Variants in SIGLEC6 observed in about 807,000 individuals in gnomAD.
SIGLEC6 encodes sialic acid-binding Ig-like lectin 6.
In SIGLEC6, 31 loss-of-function variants were observed where a neutral mutation model predicts 41.4. The observed-to-expected ratio is 0.75, with a 90% CI of 0.56 to 1.01. The LOEUF (loss-of-function observed/expected upper bound fraction) is 1.01. SIGLEC6 is among the 50% of genes least tolerant of loss of function. The pLI is 0.00. For synonymous variants in SIGLEC6, 217 were observed against 231.0 expected, an observed-to-expected ratio of 0.94 and a Z score of 0.55; for missense variants, 555 against 558.6, an observed-to-expected ratio of 0.99 and a Z score of 0.06.
At chr19:51,529,544 C>T (rs1979823286) in intron 5 of SIGLEC6, 180 bp downstream of exon 5, 2 of 700,882 alleles carry the variant, frequency 2.9e-6, no homozygotes, top group Non-Finnish European at 4.7e-6. Flanking sequence ...CCTCCCCAAG[C>T]TGCCAGTGCA....
In SIGLEC6 at chr19:51,530,441, G is replaced by T; in HGVS notation, c.750C>A (p.Ser250Arg). 6.2e-7 allele frequency: 1 copy of T among 1,613,978 alleles called. No homozygotes were observed. The highest frequency in any genetic ancestry group is 8.5e-7 in the Non-Finnish European group (1 of 1,179,858). The change falls in exon 4 of 8, where the codon AGC becomes AGA. Residue 250 changes from serine (S) to arginine (R), a missense_variant. Transcript: ENST00000425629. ...KVAISIFQGN[S>R]AAFKILQNTS... The stretch of plus-strand genomic sequence containing the variant: ...ACAGGACTGGCTGGTTCCTACCTGC[G>T]CTGTTTCCTTGGAAGATGCTGATGG...
chr19:51,527,497 C>T (rs1397692766), intron 7 of SIGLEC6, among the ~76,000 whole-genome samples: 1 of 96,764 alleles, frequency 1.0e-5, no homozygotes, highest in Non-Finnish European at 2.3e-5. Flanking sequence ...ATATGAGGAG[C>T]ATAAATACCC....
rs566386122 is a variant in SIGLEC6, at chr19:51,522,218, T to G, written c.1189-1963A>C. 2.0e-5 allele frequency among the ~76,000 whole-genome samples: 3 copies of G among 152,370 alleles called. No individual in the cohort carries two copies. The East Asian group carries it at 5.8e-4, about 29-fold the overall frequency. Reference sequence around the variant, plus strand: ...AATGAAGGCAAATATAAACTCACCCTGCCAAAGCTTTTGTAAAAATCTTTG... The same window carrying G: ...AATGAAGGCAAATATAAACTCACCCGGCCAAAGCTTTTGTAAAAATCTTTG... On this transcript the variant is annotated intron_variant, in intron 7 of 7. Coordinates refer to ENST00000425629, the MANE Select transcript of SIGLEC6 (RefSeq NM_001245.7).
At position 51,531,273 on chromosome 19, in the gene SIGLEC6, G is replaced by T; in HGVS notation, c.314C>A (p.Ser105Tyr). ...CCTCCGGGCATCTCTGATGCTCAGG[G>T]AGCAGTTCTTCCTTCTGGGATCCCA... ...LLWDPRRKNC[S>Y]LSIRDARRRD... Residue 105 changes from serine (S) to tyrosine (Y), a missense_variant, in exon 2 of 8, where the codon TCC (serine) becomes TAC (tyrosine). Coordinates refer to ENST00000425629, the MANE Select transcript of SIGLEC6 (RefSeq NM_001245.7). The T allele has an allele frequency of 1.2e-6, 2 of 1,614,172 alleles. No individual in the cohort carries two copies. The highest frequency in any genetic ancestry group is 2.2e-5 in the South Asian group (2 of 91,084).
intron 3 of SIGLEC6, 80 bp from the exon 4 acceptor site, chr19:51,530,564 A>G: frequency 3.7e-6 from 6 of 1,608,516 alleles, no homozygotes; most frequent in Non-Finnish European, 5.1e-6. Context: ...GGAGCCATGA[A>G]AACAGGGAAA....
At position 51,530,547 on chromosome 19, in the gene SIGLEC6, C is replaced by T. The variant is rs756589347; in HGVS notation, c.707-63G>A. On this transcript the variant is annotated intron_variant, in intron 3 of 7. Transcript: ENST00000425629. ...GGAGGGATGGTAGGCATGGGGCCTTCCCCTCAGGAGCCATGAAAACAGGGA... is the reference window on the plus strand; with the variant it reads ...GGAGGGATGGTAGGCATGGGGCCTTTCCCTCAGGAGCCATGAAAACAGGGA... 3.7e-5 allele frequency: 60 copies of T among 1,610,254 alleles called. No homozygotes were observed. The South Asian group carries it at 6.0e-4, about 16-fold the overall frequency.
intron 7 of SIGLEC6, among the ~76,000 whole-genome samples, chr19:51,524,036 A>G (rs906549221): frequency 6.6e-6 from 1 of 152,206 alleles, no homozygotes; most frequent in African/African-American, 2.4e-5. Flanking sequence ...AAAAAAAAGT[A>G]GTAATATTTT....
intron 7 of SIGLEC6, among the ~76,000 whole-genome samples, chr19:51,521,671 G>A (rs541026461): frequency 2.0e-5 from 3 of 152,234 alleles, no homozygotes; most frequent in African/African-American, 7.2e-5. Context: ...ACTTTTGGAA[G>A]ACAGTCTAGG....
intron 7 of SIGLEC6, among the ~76,000 whole-genome samples, chr19:51,523,578 A>G (rs1016525604): frequency 6.6e-6 from 1 of 152,304 alleles, no homozygotes; most frequent in South Asian, 2.1e-4. Context: ...AGATGATTGG[A>G]CAACCCTGCT....
chr19:51,530,101 A>G, intron 4 of SIGLEC6, 120 bp from the exon 5 acceptor site: 4 of 1,255,898 alleles, frequency 3.2e-6, no homozygotes, highest in Non-Finnish European at 3.3e-6. Context: ...TGGGGGCCTC[A>G]GGTCTTCAGA....
chr19:51,529,037 A>C (rs937107386), intron 5 of SIGLEC6, among the ~76,000 whole-genome samples: 3 of 146,254 alleles, frequency 2.1e-5, no homozygotes, highest in Non-Finnish European at 4.5e-5. Flanking sequence ...GTGGACACAG[A>C]CGCACATGTG....
intron 4 of SIGLEC6, 135 bp from the exon 5 acceptor site, chr19:51,530,116 C>T: frequency 8.8e-7 from 1 of 1,137,460 alleles, no homozygotes; most frequent in Non-Finnish European, 1.2e-6. Context: ...TTCAGAAAAG[C>T]CCAGACCATT....
At chr19:51,523,279 T>C (rs981377507) in intron 7 of SIGLEC6, among the ~76,000 whole-genome samples, 1 of 152,128 alleles carries the variant, frequency 6.6e-6, no homozygotes, top group African/African-American at 2.4e-5. Flanking sequence ...CTTTCCAAAC[T>C]GAGGCACAAA....
At chr19:51,528,957 C>T (rs576426538) in intron 5 of SIGLEC6, among the ~76,000 whole-genome samples, 12 of 130,916 alleles carry the variant, frequency 9.2e-5, no homozygotes, top group Admixed American at 4.7e-4. Flanking sequence ...GAGCCAAGAT[C>T]GCACCATTGC....
At chr19:51,520,282 G>A in intron 7 of SIGLEC6, 27 bp from the exon 8 acceptor site, 2 of 1,512,686 alleles carry the variant, frequency 1.3e-6, no homozygotes, top group East Asian at 2.3e-5. Flanking sequence ...AAAAGATTCA[G>A]GGCTGGACAA....
At chr19:51,527,851 T>C in intron 6 of SIGLEC6, 23 bp from the exon 7 acceptor site, 1 of 1,608,806 alleles carries the variant, frequency 6.2e-7, no homozygotes, top group Non-Finnish European at 8.5e-7. Flanking sequence ...CCCTAAGCCT[T>C]TCAGCCTGGT....
chr19:51,518,001 T>C lies in SIGLEC6; in HGVS notation c.*2081A>G, dbSNP rs1204177185. ...AACCATCATTTTTACAACAAGTATT[T>C]GTTTCATTTTGCTCACATATTTGCT... On this transcript the variant is annotated 3_prime_UTR_variant, in exon 8 of 8. Transcript: ENST00000425629. Among the ~76,000 whole-genome samples the C allele has an allele frequency of 6.6e-6, 1 of 152,184 alleles. No individual in the cohort carries two copies. The highest frequency in any genetic ancestry group is 1.5e-5 in the Non-Finnish European group (1 of 68,024).
Position 51,528,197 on chromosome 19 carries a change from T to C in SIGLEC6, c.1069A>G (p.Thr357Ala). ...CAAACACAGAGGAAAACCAGGGTTG[T>C]GATGCTAGCTCCCCAGACTGCTCCC... Reference protein sequence around the residue: ...VLGAVWGASITTLVFLCVCFI... With the variant: ...VLGAVWGASIATLVFLCVCFI... The change falls in exon 6 of 8, where the codon ACA (threonine) becomes GCA (alanine). Residue 357 changes from threonine (T) to alanine (A), a missense_variant. Transcript: ENST00000425629. 1 of 1,614,190 alleles carries C rather than the reference T, an allele frequency of 6.2e-7. No individual in the cohort carries two copies. Among genetic ancestry groups the C allele is most frequent in the Non-Finnish European group, 8.5e-7 (1 of 1,180,026 alleles).
In SIGLEC6 at chr19:51,531,408, G is replaced by A. The variant is rs748993718; in HGVS notation, c.179C>T (p.Ser60Leu). Reference sequence around the variant, plus strand: ...GAACCAGTAGCCATAACCATAGTACGAGGCTGGAAGGGTAGTGGGCAATCT... The same window carrying A: ...GAACCAGTAGCCATAACCATAGTACAAGGCTGGAAGGGTAGTGGGCAATCT... ...PCRLPTTLPA[S>L]YYGYGYWFLE... Residue 60 changes from serine to leucine, a missense_variant, in exon 2 of 8, where the codon TCG becomes TTG. By Grantham distance (145) the Ser-to-Leu change is moderately radical. Transcript: ENST00000425629. 8.1e-6 allele frequency: 13 copies of A among 1,613,992 alleles called. No homozygotes were observed. Among genetic ancestry groups the A allele is most frequent in the Non-Finnish European group, 1.1e-5 (13 of 1,180,010 alleles).
Sources: gnomAD v4.1 joint callset for allele counts (sites outside exome capture counted in the v4.1 genomes callset) on GRCh38, gnomAD v4.1.1 for gene constraint, MANE v1.5 for transcripts, NCBI Gene and HGNC (gene_info 2026-07-23, HGNC 2026-07-21) for gene names.